Variants in PLCB1 observed in about 807,000 individuals in gnomAD.
PLCB1 encodes the protein 1-phosphatidylinositol 4,5-bisphosphate phosphodiesterase beta-1.
Under a neutral mutation model 161.8 loss-of-function variants are expected in PLCB1, and 46 were observed. That is an observed-to-expected ratio of 0.28 (90% CI 0.22 to 0.36). The LOEUF is 0.36. PLCB1 is among the 10% of genes least tolerant of loss of function. The pLI is 1.00. For missense variants in PLCB1, 1,016 were observed against 1,472.5 expected (o/e 0.69, Z 5.07); for synonymous variants, 517 against 503.7 (o/e 1.03, Z -0.35).
At chr20:8,140,984 G>C (rs1250426514) in intron 1 of PLCB1, among the ~76,000 whole-genome samples, 1 of 150,888 alleles carries the variant, frequency 6.6e-6, no homozygotes, top group African/African-American at 2.4e-5. Flanking sequence ...TTTTAGTAGA[G>C]ATAGGGTTTC....
chr20:8,566,133 A>G (rs2123037331), intron 3 of PLCB1, among the ~76,000 whole-genome samples: 1 of 152,256 alleles, frequency 6.6e-6, no homozygotes, highest in Admixed American at 6.5e-5. Flanking sequence ...TAGTTCTAAG[A>G]CCCCAAACTA....
intron 2 of PLCB1, among the ~76,000 whole-genome samples, chr20:8,191,024 A>G (rs1005541335): frequency 1.3e-5 from 2 of 152,094 alleles, no homozygotes; most frequent in Admixed American, 1.3e-4. Context: ...AATCCGAGTT[A>G]TGATAAAACA....
intron 3 of PLCB1, among the ~76,000 whole-genome samples, chr20:8,565,051 G>T (rs772811930): frequency 6.6e-6 from 1 of 152,044 alleles, no homozygotes; most frequent in Non-Finnish European, 1.5e-5. Flanking sequence ...TGTTTATTAC[G>T]GCAGTGTTCA....
At chr20:8,311,434 T>A (rs1229867268) in intron 2 of PLCB1, among the ~76,000 whole-genome samples, 2 of 152,176 alleles carry the variant, frequency 1.3e-5, no homozygotes, top group African/African-American at 4.8e-5. Context: ...CTGCATTCAT[T>A]TATAGTTTTA....
chr20:8,362,975 C>T (rs919491100), intron 2 of PLCB1, among the ~76,000 whole-genome samples: 17 of 152,088 alleles, frequency 1.1e-4, no homozygotes, highest in African/African-American at 4.1e-4. Flanking sequence ...ACTTAGTTTC[C>T]TCATCTGTGT....
At position 8,587,037 on chromosome 20, in the gene PLCB1, C is replaced by G. The variant is rs182016091; in HGVS notation, c.247-41257C>G. 9.4e-3 allele frequency among the ~76,000 whole-genome samples: 1,424 copies of G among 152,052 alleles called. 29 individuals are homozygous for G. Among genetic ancestry groups the G allele is most frequent in the African/African-American group, 0.033 (1,380 of 41,480 alleles). On this transcript the variant is annotated intron_variant, in intron 3 of 31. Coordinates refer to ENST00000338037, the MANE Select transcript of PLCB1 (RefSeq NM_015192.4). ...ATGATATTTTTATTAAATTTGAAGG[C>G]CTAAAAATATCCTGTAGTAGGGGAA...
At chr20:8,765,610 A>C (rs1982275319) in intron 26 of PLCB1, among the ~76,000 whole-genome samples, 2 of 152,126 alleles carry the variant, frequency 1.3e-5, no homozygotes, top group South Asian at 4.1e-4. Context: ...ATTCCAGTTA[A>C]CTAACTTCCT....
chr20:8,642,374 C>A (rs1220522941), intron 4 of PLCB1, among the ~76,000 whole-genome samples: 1 of 152,200 alleles, frequency 6.6e-6, no homozygotes, highest in Non-Finnish European at 1.5e-5. Context: ...TGAAAAGATT[C>A]TTCACTGCGT....
chr20:8,233,013 C>T (rs1251151809), intron 2 of PLCB1, among the ~76,000 whole-genome samples: 1 of 152,136 alleles, frequency 6.6e-6, no homozygotes, highest in Non-Finnish European at 1.5e-5. Context: ...AGATGGTTGC[C>T]TCAGCCCTGT....
intron 3 of PLCB1, among the ~76,000 whole-genome samples, chr20:8,517,857 G>C (rs535373004): frequency 3.3e-5 from 5 of 152,268 alleles, no homozygotes; most frequent in African/African-American, 1.2e-4. Flanking sequence ...GATGTCATCA[G>C]TCAGAGCCAC....
At chr20:8,189,781 A>T (rs1600224953) in intron 2 of PLCB1, among the ~76,000 whole-genome samples, 2 of 152,076 alleles carry the variant, frequency 1.3e-5, no homozygotes, top group East Asian at 3.9e-4. Flanking sequence ...ATCCATTTCA[A>T]CTTGGACAAT....
intron 3 of PLCB1, among the ~76,000 whole-genome samples, chr20:8,386,325 A>G (rs1987425116): frequency 6.6e-6 from 1 of 152,268 alleles, no homozygotes; most frequent in South Asian, 2.1e-4. Context: ...CATGGGCTAC[A>G]GAATGGATGC....
chr20:8,481,229 A>T (rs1982487498), intron 3 of PLCB1, among the ~76,000 whole-genome samples: 1 of 152,176 alleles, frequency 6.6e-6, no homozygotes, highest in African/African-American at 2.4e-5. Flanking sequence ...TACCAGGCAG[A>T]CAAAAAAAAC....
Position 8,516,699 on chromosome 20 carries a change from ATATATATATATG to A in PLCB1, c.247-111591_247-111580del, listed in dbSNP as rs1419698173. ...TATATATATATATATATATATATATATATATATATATGTATTCCATTTTGATGCTATATACTA... is the reference window on the plus strand; with the variant it reads ...TATATATATATATATATATATATATATATTCCATTTTGATGCTATATACTA... On this transcript the variant is annotated intron_variant, in intron 3 of 31. Coordinates refer to ENST00000338037, the MANE Select transcript of PLCB1 (RefSeq NM_015192.4). Among the ~76,000 whole-genome samples the A allele has an allele frequency of 4.2e-3, 463 of 109,810 alleles. 3 individuals are homozygous for A. Among genetic ancestry groups the A allele is most frequent in the African/African-American group, 6.7e-3 (154 of 22,982 alleles). The allele number at this position is 109,810 out of a possible 152,430, so 72.0% of individuals were successfully genotyped here.
At chr20:8,178,760 G>C (rs550690710) in intron 2 of PLCB1, among the ~76,000 whole-genome samples, 1 of 152,266 alleles carries the variant, frequency 6.6e-6, no homozygotes, top group South Asian at 2.1e-4. Flanking sequence ...GGTATTTACA[G>C]TTTTCGGTTT....
chr20:8,142,316 C>T (rs1490431595), intron 1 of PLCB1, among the ~76,000 whole-genome samples: 1 of 152,138 alleles, frequency 6.6e-6, no homozygotes, highest in African/African-American at 2.4e-5. Context: ...GGTTGGAACA[C>T]CTTGCTCCTT....
At chr20:8,335,686 G>T (rs974463720) in intron 2 of PLCB1, among the ~76,000 whole-genome samples, 2 of 152,138 alleles carry the variant, frequency 1.3e-5, no homozygotes, top group Non-Finnish European at 2.9e-5. Flanking sequence ...ATTCTGTTCT[G>T]CTTCAGGAAT....
At chr20:8,718,218 CAAAAAA>C (rs143388119) in intron 14 of PLCB1, among the ~76,000 whole-genome samples, 2 of 147,272 alleles carry the variant, frequency 1.4e-5, no homozygotes, top group African/African-American at 5.0e-5. Flanking sequence ...GACTCCGTCT[CAAAAAA>C]AAAAGAATTT....
chr20:8,516,855 C>T (rs1199916943), intron 3 of PLCB1, among the ~76,000 whole-genome samples: 1 of 151,770 alleles, frequency 6.6e-6, no homozygotes, highest in African/African-American at 2.4e-5. Context: ...CAAAGATTTC[C>T]TATGTGCCCT....
Sources: allele counts gnomAD v4.1 joint callset (sites outside exome capture counted in the v4.1 genomes callset), GRCh38; gene constraint gnomAD v4.1.1; transcripts MANE v1.5; gene names NCBI Gene and HGNC (gene_info 2026-07-23, HGNC 2026-07-21).